GABRA2: variants seen among roughly 807,000 people sequenced by gnomAD.
GABRA2 encodes the protein gamma-aminobutyric acid receptor subunit alpha-2.
Under a neutral mutation model 48.7 loss-of-function variants are expected in GABRA2, and 16 were observed. The ratio of observed to expected loss-of-function variants is 0.33; its 90% CI spans 0.22 to 0.50. The LOEUF (loss-of-function observed/expected upper bound fraction) is 0.50. GABRA2 is among the 20% of genes least tolerant of loss of function. The pLI is 0.98. For synonymous variants in GABRA2, 185 were observed against 184.5 expected, an observed-to-expected ratio of 1.00 and a Z score of -0.02; for missense variants, 275 against 535.6, an observed-to-expected ratio of 0.51 and a Z score of 4.80.
In GABRA2 at chr4:46,347,189, T is replaced by C. The variant is rs531208133; in HGVS notation, c.188-14507A>G. On this transcript the variant is annotated intron_variant, in intron 3 of 9. Transcript: ENST00000381620. ...CATCAAAAGTGATTTACAGATTCAA[T>C]GCAATTCCTATCAAATTTCTAATGT... Among the ~76,000 whole-genome samples the C allele has an allele frequency of 3.7e-4, 57 of 152,080 alleles. No individual in the cohort carries two copies. The South Asian group carries it at 7.0e-3, about 19-fold the overall frequency.
intron 3 of GABRA2, among the ~76,000 whole-genome samples, chr4:46,377,228 G>C: frequency 6.7e-6 from 1 of 149,796 alleles, no homozygotes; most frequent in East Asian, 2.0e-4. Flanking sequence ...CCTCTTCCTG[G>C]CTGCCCAGTC....
intron 3 of GABRA2, among the ~76,000 whole-genome samples, chr4:46,340,476 T>G (rs1023235935): frequency 2.0e-5 from 3 of 152,006 alleles, no homozygotes; most frequent in African/African-American, 4.8e-5. Flanking sequence ...ATCCCTTCTA[T>G]TCTATTCTAT....
At chr4:46,388,778 CAAGT>C in intron 1 of GABRA2, 62 bp from the exon 2 acceptor site, 3 of 1,608,968 alleles carry the variant, frequency 1.9e-6, no homozygotes, top group Non-Finnish European at 2.5e-6. Context: ...TTTCACTATC[CAAGT>C]AACCCCAAAG....
At chr4:46,307,022 T>A (rs1726821556) in intron 6 of GABRA2, among the ~76,000 whole-genome samples, 1 of 152,146 alleles carries the variant, frequency 6.6e-6, no homozygotes. Flanking sequence ...ACATATATAG[T>A]CACCTACATT....
At chr4:46,316,549 A>G (rs1463018436) in intron 4 of GABRA2, among the ~76,000 whole-genome samples, 1 of 151,976 alleles carries the variant, frequency 6.6e-6, no homozygotes, top group Non-Finnish European at 1.5e-5. Flanking sequence ...TCTTCAAAAT[A>G]ACAAGATATT....
intron 6 of GABRA2, among the ~76,000 whole-genome samples, chr4:46,306,808 C>A (rs1263659012): frequency 1.3e-5 from 2 of 152,122 alleles, no homozygotes; most frequent in Non-Finnish European, 2.9e-5. Flanking sequence ...TTTAATAGCA[C>A]CATACTGTGG....
intron 9 of GABRA2, among the ~76,000 whole-genome samples, chr4:46,255,640 C>A (rs1715665806): frequency 6.6e-6 from 1 of 151,398 alleles, no homozygotes; most frequent in Non-Finnish European, 1.5e-5. Flanking sequence ...AGAAATATAA[C>A]CCACACAAAT....
intron 8 of GABRA2, among the ~76,000 whole-genome samples, chr4:46,295,974 G>A (rs970720288): frequency 6.6e-6 from 1 of 152,102 alleles, no homozygotes; most frequent in African/African-American, 2.4e-5. Context: ...GTGAGACAGT[G>A]GGTTCATGCT....
At chr4:46,263,290 C>T (rs1227627136) in intron 8 of GABRA2, among the ~76,000 whole-genome samples, 2 of 151,998 alleles carry the variant, frequency 1.3e-5, no homozygotes. Flanking sequence ...TTGTGTCATA[C>T]CTAAGAAACT....
At chr4:46,327,424 T>G (rs994078104) in intron 4 of GABRA2, among the ~76,000 whole-genome samples, 2 of 151,998 alleles carry the variant, frequency 1.3e-5, no homozygotes, top group African/African-American at 4.8e-5. Context: ...ATGTTCCCAG[T>G]GTCTATTTTC....
At chr4:46,367,064 T>C (rs1160896895) in intron 3 of GABRA2, 3 of 152,034 alleles carry the variant, frequency 2.0e-5, no homozygotes, top group Non-Finnish European at 2.9e-5. Context: ...AATTAGTCCA[T>C]TTCACTATAT....
chr4:46,378,900 A>G (rs1439567797), intron 3 of GABRA2, among the ~76,000 whole-genome samples: 1 of 152,036 alleles, frequency 6.6e-6, no homozygotes, highest in Non-Finnish European at 1.5e-5. Flanking sequence ...TTTGCCTGAC[A>G]CTTGCTGTAT....
chr4:46,362,677 TA>T (rs969246238), intron 3 of GABRA2, among the ~76,000 whole-genome samples: 1 of 152,198 alleles, frequency 6.6e-6, no homozygotes, highest in Non-Finnish European at 1.5e-5. Flanking sequence ...AGCAACTAAG[TA>T]AATGATTTGG....
intron 3 of GABRA2, among the ~76,000 whole-genome samples, chr4:46,343,542 G>A (rs1733648956): frequency 6.6e-6 from 1 of 151,886 alleles, no homozygotes; most frequent in South Asian, 2.1e-4. Flanking sequence ...AAATATAATT[G>A]GATCTCATGA....
At chr4:46,362,298 G>A (rs957251208) in intron 3 of GABRA2, among the ~76,000 whole-genome samples, 31 of 152,010 alleles carry the variant, frequency 2.0e-4, no homozygotes, top group African/African-American at 1.4e-4. Flanking sequence ...CAGGAGTTTC[G>A]CTGCACAAGC....
chr4:46,370,337 G>A (rs892274771), intron 3 of GABRA2, among the ~76,000 whole-genome samples: 16 of 151,920 alleles, frequency 1.1e-4, no homozygotes, highest in African/African-American at 3.4e-4. Context: ...ATATACTTCA[G>A]AAGAGAGAAG....
chr4:46,342,585 C>A (rs939671953), intron 3 of GABRA2, among the ~76,000 whole-genome samples: 9 of 152,054 alleles, frequency 5.9e-5, no homozygotes, highest in African/African-American at 2.2e-4. Flanking sequence ...TGATATTTCA[C>A]AGACATTTAC....
intron 8 of GABRA2, among the ~76,000 whole-genome samples, chr4:46,285,194 A>G (rs983534371): frequency 6.6e-6 from 1 of 152,054 alleles, no homozygotes; most frequent in Non-Finnish European, 1.5e-5. Flanking sequence ...ATTTATTTAC[A>G]CAATATTTAT....
At chr4:46,385,563 C>T (rs527465039) in intron 3 of GABRA2, among the ~76,000 whole-genome samples, 1 of 151,900 alleles carries the variant, frequency 6.6e-6, no homozygotes, top group Admixed American at 6.6e-5. Flanking sequence ...TCAAGAATAA[C>T]AAAGTTGTGC....
Sources: allele counts gnomAD v4.1 joint callset (sites outside exome capture counted in the v4.1 genomes callset), GRCh38; gene constraint gnomAD v4.1.1; transcripts MANE v1.5; gene names NCBI Gene and HGNC (gene_info 2026-07-23, HGNC 2026-07-21).